DIXDC1: variants seen among roughly 807,000 people sequenced by gnomAD.
DIXDC1 encodes dixin.
Under a neutral mutation model 103.1 loss-of-function variants are expected in DIXDC1, and 64 were observed. That is an observed-to-expected ratio of 0.62 (90% CI 0.51 to 0.76). The LOEUF (loss-of-function observed/expected upper bound fraction) is 0.76. Among genes scored for constraint, DIXDC1 ranks in the 30% least tolerant of loss-of-function variants. The pLI is 0.00. For synonymous variants in DIXDC1, 266 were observed against 298.5 expected (o/e 0.89, Z 1.12); for missense variants, 759 against 834.2 (o/e 0.91, Z 1.11).
chr11:111,977,578 A>AGAC lies in DIXDC1; in HGVS notation c.656+2597_656+2599dup. On this transcript the variant is annotated intron_variant, in intron 5 of 19. Coordinates refer to ENST00000440460, the MANE Select transcript of DIXDC1 (RefSeq NM_001037954.4). This position sits in a 1 kb window ranked among gnomAD's most constrained non-coding sequence, Gnocchi z 6.1. Reference sequence around the variant, plus strand: ...TGGAGCATCCCAGTCGCTGGGGCCGAGACGCCGCCGCCGCCGCCGTTCCCG... The same window carrying AGAC: ...TGGAGCATCCCAGTCGCTGGGGCCGAGACGACGCCGCCGCCGCCGCCGTTCCCG... 1 of 1,498,514 alleles carries AGAC rather than the reference A, an allele frequency of 6.7e-7. No individual in the cohort carries two copies. Among genetic ancestry groups the AGAC allele is most frequent in the Admixed American group, 2.2e-5 (1 of 45,332 alleles). The allele number at this position is 1,498,514 out of a possible 1,614,324, so 92.8% of individuals were successfully genotyped here.
Position 112,017,850 on chromosome 11 carries a change from G to A in DIXDC1, c.1936G>A (p.Ala646Thr). The A allele has an allele frequency of 6.2e-7, 1 of 1,611,276 alleles. No homozygotes were observed. Among genetic ancestry groups the A allele is most frequent in the Non-Finnish European group, 8.5e-7 (1 of 1,178,478 alleles). Reference sequence around the variant, plus strand: ...AGGAAATCACCGGTATCACTTCAAAGCACTGGATCCTGAGTTTGGCACTGT... The same window carrying A: ...AGGAAATCACCGGTATCACTTCAAAACACTGGATCCTGAGTTTGGCACTGT... Reference protein sequence around the residue: ...REGNHRYHFKALDPEFGTVKE... With the variant: ...REGNHRYHFKTLDPEFGTVKE... Residue 646 changes from alanine to threonine, a missense_variant, in exon 19 of 20, where the codon GCA (alanine) becomes ACA (threonine). Coordinates refer to ENST00000440460, the MANE Select transcript of DIXDC1 (RefSeq NM_001037954.4). This position sits in a 1 kb window ranked among gnomAD's most constrained non-coding sequence, Gnocchi z 4.0.
chr11:112,000,436 C>T (rs1861030720), intron 17 of DIXDC1, among the ~76,000 whole-genome samples: 1 of 152,280 alleles, frequency 6.6e-6, no homozygotes. Flanking sequence ...CGGTGGCTCA[C>T]ACTTGTAATC....
chr11:111,937,129 G>C (rs1966220682), upstream of DIXDC1: 1 of 708,176 alleles, frequency 1.4e-6, no homozygotes, highest in Middle Eastern at 7.1e-4. Context: ...CTGCGGCCCG[G>C]GCGGGGGGGG....
Position 111,998,223 on chromosome 11 carries a change from A to T in DIXDC1, c.1756+2077A>T, listed in dbSNP as rs1037791505. On this transcript the variant is annotated intron_variant, in intron 17 of 19. Coordinates refer to ENST00000440460, the MANE Select transcript of DIXDC1 (RefSeq NM_001037954.4). This position sits in a 1 kb window ranked among gnomAD's most constrained non-coding sequence, Gnocchi z 4.1. ...TATTCATTTAACATATTTACTAAGC[A>T]TCCATTATTCACCATCAATGTTAGA... is the stretch of plus-strand genomic sequence containing the variant. Among the ~76,000 whole-genome samples, 3 of 152,354 alleles carry T rather than the reference A, an allele frequency of 2.0e-5. No individual in the cohort carries two copies. Among genetic ancestry groups the T allele is most frequent in the East Asian group, 3.8e-4 (2 of 5,196 alleles).
At chr11:112,012,201 C>T (rs1555177270) in intron 17 of DIXDC1, among the ~76,000 whole-genome samples, 1 of 152,106 alleles carries the variant, frequency 6.6e-6, no homozygotes, top group Non-Finnish European at 1.5e-5. Flanking sequence ...TATAAACAAG[C>T]CAATTCTAAA....
rs975472357 is a variant in DIXDC1 at position 111,977,507 on chromosome 11, G to C, written c.656+2524G>C. On this transcript the variant is annotated intron_variant, in intron 5 of 19. Transcript: ENST00000440460. This position sits in a 1 kb window ranked among gnomAD's most constrained non-coding sequence, Gnocchi z 6.1. The stretch of plus-strand genomic sequence containing the variant: ...AGGGGAGGCAGCTTCCGCCGGGGCC[G>C]GGCTGCTGCACAGTCTGAGCGGCCG... 2 of 1,351,986 alleles carry C rather than the reference G, an allele frequency of 1.5e-6. No homozygotes were observed. The highest frequency in any genetic ancestry group is 1.9e-6 in the Non-Finnish European group (2 of 1,055,916). 83.7% of individuals were successfully genotyped at this position (1,351,986 alleles called of 1,614,324 possible).
intron 9 of DIXDC1, among the ~76,000 whole-genome samples, chr11:111,987,999 T>TTTTG (rs1327630673): frequency 6.6e-6 from 1 of 151,072 alleles, no homozygotes; most frequent in Non-Finnish European, 1.5e-5. Context: ...ATTTGTTTTG[T>TTTTG]TTTGTTTGTT....
At chr11:111,991,958 C>A (rs1443661594) in intron 10 of DIXDC1, among the ~76,000 whole-genome samples, 3 of 152,106 alleles carry the variant, frequency 2.0e-5, no homozygotes, top group African/African-American at 7.2e-5. Context: ...GGAAAAACAG[C>A]TAATCTAGAT....
At chr11:111,932,869 T>C (rs990237791), upstream of DIXDC1, among the ~76,000 whole-genome samples, 1 of 152,194 alleles carries the variant, frequency 6.6e-6, no homozygotes, top group Non-Finnish European at 1.5e-5. Flanking sequence ...TGTATATTTA[T>C]GTGTAACTGT....
intron 1 of DIXDC1, among the ~76,000 whole-genome samples, chr11:111,942,102 A>G (rs782475582): frequency 7.9e-5 from 12 of 152,242 alleles, no homozygotes; most frequent in Non-Finnish European, 1.8e-4. Context: ...ACTCAGCACC[A>G]GATTCCCCAA....
At chr11:111,934,543 C>T (rs1359657655), upstream of DIXDC1, among the ~76,000 whole-genome samples, 1 of 152,190 alleles carries the variant, frequency 6.6e-6, no homozygotes, top group Non-Finnish European at 1.5e-5. Context: ...CTATGGGATG[C>T]CTGATCATTG....
Position 112,017,994 on chromosome 11 carries a change from A to G in DIXDC1, c.1971+109A>G. ...AGTACATGAGTTCCCTGACTAGGTC[A>G]GAAGAATTTGCCAGAGCCTCAGACC... On this transcript the variant is annotated intron_variant, in intron 19 of 19. Coordinates refer to ENST00000440460, the MANE Select transcript of DIXDC1 (RefSeq NM_001037954.4). The surrounding 1 kb of genome is among the most constrained non-coding windows in gnomAD (Gnocchi z 4.0). The G allele has an allele frequency of 2.5e-6, 2 of 812,914 alleles. No individual in the cohort carries two copies. Among genetic ancestry groups the G allele is most frequent in the Non-Finnish European group, 3.8e-6 (2 of 522,252 alleles). 50.4% of individuals were successfully genotyped at this position (812,914 alleles called of 1,614,324 possible).
intron 17 of DIXDC1, among the ~76,000 whole-genome samples, chr11:112,002,336 A>G (rs935181302): frequency 6.6e-6 from 1 of 152,220 alleles, no homozygotes; most frequent in Non-Finnish European, 1.5e-5. Flanking sequence ...GGGCATGTAA[A>G]TGAGTATAGT....
intron 17 of DIXDC1, among the ~76,000 whole-genome samples, chr11:112,000,028 C>G (rs930400155): frequency 2.0e-5 from 3 of 151,634 alleles, no homozygotes; most frequent in Admixed American, 6.6e-5. Flanking sequence ...CCCAGCTACT[C>G]GGGGGCTGAG....
At position 112,017,985 on chromosome 11, in the gene DIXDC1, G is replaced by C; in HGVS notation, c.1971+100G>C. 2.3e-6 allele frequency: 2 copies of C among 881,266 alleles called. No homozygotes were observed. The highest frequency in any genetic ancestry group is 1.8e-5 in the South Asian group (1 of 55,772). The allele number at this position is 881,266 out of a possible 1,614,324, so 54.6% of individuals were successfully genotyped here. A position where few individuals can be genotyped will look rare whatever the true frequency, so the allele number is the denominator to read the frequency against. ...GTGTCCAGAAGTACATGAGTTCCCT[G>C]ACTAGGTCAGAAGAATTTGCCAGAG... is the stretch of plus-strand genomic sequence containing the variant. On this transcript the variant is annotated intron_variant, in intron 19 of 19. Transcript: ENST00000440460. The surrounding 1 kb of genome is among the most constrained non-coding windows in gnomAD (Gnocchi z 4.0).
At chr11:111,967,826 A>G (rs1555171722) in intron 2 of DIXDC1, among the ~76,000 whole-genome samples, 1 of 152,236 alleles carries the variant, frequency 6.6e-6, no homozygotes, top group African/African-American at 2.4e-5. Flanking sequence ...GATAAAATTC[A>G]GGCCCTTTGC....
At chr11:112,014,204 T>A (rs1288186801) in intron 17 of DIXDC1, among the ~76,000 whole-genome samples, 1 of 152,210 alleles carries the variant, frequency 6.6e-6, no homozygotes, top group East Asian at 1.9e-4. Flanking sequence ...GTTTGTCCCA[T>A]CCAATCCATA....
chr11:112,008,354 C>T (rs1352921429), intron 17 of DIXDC1, among the ~76,000 whole-genome samples: 1 of 152,096 alleles, frequency 6.6e-6, no homozygotes, highest in Non-Finnish European at 1.5e-5. Context: ...GACTCCCACA[C>T]AATAATAATG....
intron 4 of DIXDC1, 200 bp downstream of exon 4, chr11:111,974,454 G>A: frequency 1.7e-6 from 1 of 604,308 alleles, no homozygotes; most frequent in Admixed American, 3.4e-5. Flanking sequence ...TTTGCATTTA[G>A]CAAAAGTAAA....
Sources: gnomAD v4.1 joint callset for allele counts (sites outside exome capture counted in the v4.1 genomes callset) on GRCh38, gnomAD v4.1.1 for gene constraint, Gnocchi (gnomAD v3.1) non-coding constraint, MANE v1.5 for transcripts, NCBI Gene and HGNC (gene_info 2026-07-23, HGNC 2026-07-21) for gene names.